The following GALNT1 variants were observed in gnomAD, a reference collection of about 807,000 sequenced individuals.
GALNT1 encodes GalNAc transferase 1.
GALNT1 carries 17 observed loss-of-function variants against 65.7 expected under a neutral mutation model. That is an observed-to-expected ratio of 0.26 (90% CI 0.18 to 0.39). GALNT1 has a LOEUF of 0.39. Among genes scored for constraint, GALNT1 ranks in the 10% least tolerant of loss-of-function variants. GALNT1 has a pLI of 1.00. For synonymous variants in GALNT1, 210 were observed against 219.7 expected (o/e 0.96, Z 0.39); for missense variants, 460 against 672.8 (o/e 0.68, Z 3.50).
At chr18:35,704,721 G>A (rs1380194256) in intron 11 of GALNT1, among the ~76,000 whole-genome samples, 4 of 150,992 alleles carry the variant, frequency 2.6e-5, no homozygotes, top group Non-Finnish European at 4.4e-5. Context: ...CTCGGCTCAT[G>A]CAACCTCCAC....
intron 11 of GALNT1, among the ~76,000 whole-genome samples, chr18:35,705,357 T>C (rs888470086): frequency 4.6e-5 from 7 of 152,346 alleles, no homozygotes; most frequent in African/African-American, 1.7e-4. Flanking sequence ...TTGTTTGTAG[T>C]TATTTATCTA....
At chr18:35,610,143 A>G (rs1380331613) in intron 1 of GALNT1, among the ~76,000 whole-genome samples, 1 of 152,200 alleles carries the variant, frequency 6.6e-6, no homozygotes, top group Non-Finnish European at 1.5e-5. Context: ...AGAAAGCATG[A>G]CGTAATTGGG....
At chr18:35,598,106 G>A (rs1471298237) in intron 1 of GALNT1, among the ~76,000 whole-genome samples, 2 of 147,880 alleles carry the variant, frequency 1.4e-5, no homozygotes, top group African/African-American at 2.5e-5. Flanking sequence ...GCAGTGGCGC[G>A]ACCTCAGTTC....
chr18:35,649,369 C>A (rs1250525383), intron 1 of GALNT1, among the ~76,000 whole-genome samples: 7 of 152,132 alleles, frequency 4.6e-5, no homozygotes, highest in African/African-American at 1.7e-4. Flanking sequence ...ACAATTCAGA[C>A]CTTCTGCCTA....
At chr18:35,683,794 C>T (rs1032009221) in intron 5 of GALNT1, among the ~76,000 whole-genome samples, 196 bp downstream of exon 5, 1 of 152,170 alleles carries the variant, frequency 6.6e-6, no homozygotes, top group Non-Finnish European at 1.5e-5. Flanking sequence ...TGTTTGCAAA[C>T]TGTTGTACTA....
intron 1 of GALNT1, among the ~76,000 whole-genome samples, chr18:35,649,838 CAA>C (rs2047286110): frequency 6.6e-6 from 1 of 152,148 alleles, no homozygotes; most frequent in Admixed American, 6.5e-5. Context: ...TTCTCCATAA[CAA>C]TGGACTGTAT....
At chr18:35,634,230 C>G (rs1229401731) in intron 1 of GALNT1, among the ~76,000 whole-genome samples, 2 of 152,100 alleles carry the variant, frequency 1.3e-5, no homozygotes, top group Non-Finnish European at 2.9e-5. Context: ...TTTAAAGGAA[C>G]AAAGAGGCTC....
At chr18:35,665,483 A>C (rs2047536688) in intron 3 of GALNT1, among the ~76,000 whole-genome samples, 1 of 152,200 alleles carries the variant, frequency 6.6e-6, no homozygotes, top group Non-Finnish European at 1.5e-5. Context: ...GAACTGCACA[A>C]ATTTTCAAAT....
intron 1 of GALNT1, among the ~76,000 whole-genome samples, chr18:35,619,579 T>C (rs2046826141): frequency 6.6e-6 from 1 of 152,156 alleles, no homozygotes; most frequent in African/African-American, 2.4e-5. Flanking sequence ...TTCCATTTAG[T>C]CTGCAAATTG....
chr18:35,598,812 T>C (rs2046539326), intron 1 of GALNT1, among the ~76,000 whole-genome samples: 1 of 152,178 alleles, frequency 6.6e-6, no homozygotes, highest in African/African-American at 2.4e-5. Flanking sequence ...CCATGCTGTT[T>C]TCCTTAATGG....
intron 2 of GALNT1, among the ~76,000 whole-genome samples, chr18:35,657,423 T>G (rs980554379): frequency 1.3e-5 from 2 of 152,176 alleles, no homozygotes; most frequent in African/African-American, 2.4e-5. Flanking sequence ...TTTGAGGAAC[T>G]GGTAGCGATG....
intron 3 of GALNT1, chr18:35,664,637 A>T (rs2047519860): frequency 1.3e-5 from 2 of 152,246 alleles, no homozygotes; most frequent in African/African-American, 4.8e-5. Context: ...CAAAATGTTT[A>T]TACCAATTTA....
intron 4 of GALNT1, among the ~76,000 whole-genome samples, chr18:35,679,098 G>A (rs951610874): frequency 2.0e-5 from 3 of 152,058 alleles, no homozygotes; most frequent in Non-Finnish European, 4.4e-5. Context: ...AATACCACAC[G>A]TAAAGAAATA....
intron 9 of GALNT1, among the ~76,000 whole-genome samples, chr18:35,694,868 A>C (rs1433629520): frequency 6.6e-6 from 1 of 152,218 alleles, no homozygotes; most frequent in African/African-American, 2.4e-5. Context: ...TACATGCTAC[A>C]ACATGGATGA....
At chr18:35,697,822 A>T in intron 9 of GALNT1, among the ~76,000 whole-genome samples, 1 of 152,318 alleles carries the variant, frequency 6.6e-6, no homozygotes, top group Non-Finnish European at 1.5e-5. Context: ...CAGTTTGTAC[A>T]TCGTTTCTAG....
chr18:35,680,151 A>G (rs972019794), intron 4 of GALNT1, among the ~76,000 whole-genome samples: 2 of 152,126 alleles, frequency 1.3e-5, no homozygotes, highest in African/African-American at 4.8e-5. Flanking sequence ...TCAGTTTGTT[A>G]AAGAATATCA....
chr18:35,586,649 G>C (rs2046381587), intron 1 of GALNT1, among the ~76,000 whole-genome samples: 1 of 152,064 alleles, frequency 6.6e-6, no homozygotes, highest in African/African-American at 2.4e-5. Context: ...GTCTATGGAT[G>C]TTCAGTTACT....
rs2047815477 is a variant in GALNT1 at position 35,683,373 on chromosome 18, C to T, written c.482-18C>T. 6.2e-7 allele frequency: 1 copy of T among 1,602,290 alleles called. No homozygotes were observed. The highest frequency in any genetic ancestry group is 1.3e-5 in the African/African-American group (1 of 74,666). On this transcript the variant is annotated intron_variant, in intron 4 of 11. Coordinates refer to ENST00000269195, the MANE Select transcript of GALNT1 (RefSeq NM_020474.4). ...CAGGCCACACTGGTTTGCATGTTTT[C>T]TTTTGTTCATTTTCCAGACTTTTTG...
intron 1 of GALNT1, among the ~76,000 whole-genome samples, chr18:35,616,446 C>A (rs1028771054): frequency 6.6e-6 from 1 of 152,108 alleles, no homozygotes; most frequent in African/African-American, 2.4e-5. Context: ...TGTTGTTATG[C>A]TTTTATTCTC....
Sources: allele counts gnomAD v4.1 joint callset (sites outside exome capture counted in the v4.1 genomes callset), GRCh38; gene constraint gnomAD v4.1.1; transcripts MANE v1.5; gene names NCBI Gene and HGNC (gene_info 2026-07-23, HGNC 2026-07-21).